IL16: variants seen among roughly 807,000 people sequenced by gnomAD.
IL16 encodes pro-interleukin-16.
In IL16, 67 loss-of-function variants were observed where a neutral mutation model predicts 110.1. The ratio of observed to expected loss-of-function variants is 0.61; its 90% CI spans 0.50 to 0.75. The LOEUF (loss-of-function observed/expected upper bound fraction) is 0.75, where lower values mean the gene tolerates loss of function less well. IL16 is among the 30% of genes least tolerant of loss of function. IL16 has a pLI of 0.00. For synonymous variants in IL16, 689 were observed against 662.9 expected (o/e 1.04, Z -0.61); for missense variants, 1,545 against 1,655.0 (o/e 0.93, Z 1.15).
intron 13 of IL16, among the ~76,000 whole-genome samples, chr15:81,298,000 C>T (rs918184276): frequency 4.6e-5 from 7 of 152,192 alleles, no homozygotes; most frequent in African/African-American, 1.4e-4. Flanking sequence ...GGTGGAGGCT[C>T]CTCTCCCTTA....
chr15:81,246,408 C>T (rs1042578685), intron 2 of IL16, among the ~76,000 whole-genome samples: 1 of 152,072 alleles, frequency 6.6e-6, no homozygotes, highest in Non-Finnish European at 1.5e-5. Flanking sequence ...TTTCAGATAG[C>T]GTATAAAATG....
At chr15:81,241,262 A>G (rs1897326875) in intron 2 of IL16, among the ~76,000 whole-genome samples, 1 of 152,076 alleles carries the variant, frequency 6.6e-6, no homozygotes, top group South Asian at 2.1e-4. Flanking sequence ...GTTTATTTAG[A>G]TATACTTATT....
chr15:81,281,363 G>A (rs893877373), intron 8 of IL16, among the ~76,000 whole-genome samples: 4 of 152,192 alleles, frequency 2.6e-5, no homozygotes, highest in Non-Finnish European at 4.4e-5. Context: ...TTTTCCAGGC[G>A]TTTCCATGTT....
At chr15:81,294,268 G>C (rs1053464197) in intron 12 of IL16, among the ~76,000 whole-genome samples, 25 of 152,314 alleles carry the variant, frequency 1.6e-4, no homozygotes, top group African/African-American at 6.0e-4. Context: ...ACATGATGGA[G>C]TTATCAGATG....
chr15:81,301,653 T>C, intron 15 of IL16, 141 bp downstream of exon 15: 1 of 662,804 alleles, frequency 1.5e-6, no homozygotes, highest in African/African-American at 1.8e-5. Context: ...TGGGACACTG[T>C]AGCACTTGAC....
At chr15:81,209,849 T>C (rs1896172451) in intron 1 of IL16, among the ~76,000 whole-genome samples, 1 of 152,228 alleles carries the variant, frequency 6.6e-6, no homozygotes, top group Admixed American at 6.5e-5. Context: ...AGCAATGCCA[T>C]GGTTACACTG....
chr15:81,224,990 A>C (rs1896738645), intron 1 of IL16, among the ~76,000 whole-genome samples: 1 of 152,156 alleles, frequency 6.6e-6, no homozygotes, highest in South Asian at 2.1e-4. Context: ...GTAACTTATT[A>C]CTGGCTCTTC....
chr15:81,239,355 T>C (rs1409287288), intron 2 of IL16, among the ~76,000 whole-genome samples: 3 of 152,204 alleles, frequency 2.0e-5, no homozygotes, highest in South Asian at 2.1e-4. Context: ...AGTGCTATTC[T>C]GGTATGCTTC....
chr15:81,249,612 A>G (rs924187703), intron 2 of IL16, among the ~76,000 whole-genome samples: 3 of 152,148 alleles, frequency 2.0e-5, no homozygotes, highest in Non-Finnish European at 2.9e-5. Context: ...CTGCTGTTTT[A>G]AAATCTTCTA....
chr15:81,238,093 G>A (rs1407717419), intron 2 of IL16, among the ~76,000 whole-genome samples: 2 of 151,892 alleles, frequency 1.3e-5, no homozygotes, highest in African/African-American at 4.8e-5. Context: ...TAGTAGAGAT[G>A]GGGTTTTACC....
At chr15:81,216,957 A>G (rs1229036994) in intron 1 of IL16, among the ~76,000 whole-genome samples, 1 of 152,240 alleles carries the variant, frequency 6.6e-6, no homozygotes, top group Non-Finnish European at 1.5e-5. Context: ...TAACCACGAC[A>G]TGATATGCTA....
In IL16 at chr15:81,306,503, C is replaced by T; in HGVS notation, c.3763C>T (p.Leu1255=). Residue 1255 remains leucine (L), a synonymous_variant, in exon 18 of 19, where the codon CTA becomes TTA. Coordinates refer to ENST00000683961, the MANE Select transcript of IL16 (RefSeq NM_172217.5). ...GFSLEGGKGS[L]HGDKPLTINR... is the part of the protein sequence containing the mutation. ...CAGCCTGGAAGGAGGGAAGGGCTCC[C>T]TACACGGAGACAAGCCTCTCACCAT... 1 of 1,613,880 alleles carries T rather than the reference C, an allele frequency of 6.2e-7. No homozygotes were observed. Among genetic ancestry groups the T allele is most frequent in the Non-Finnish European group, 8.5e-7 (1 of 1,180,020 alleles).
At chr15:81,305,365 T>C (rs1314060036) in intron 16 of IL16, among the ~76,000 whole-genome samples, 1 of 152,174 alleles carries the variant, frequency 6.6e-6, no homozygotes, top group East Asian at 1.9e-4. Flanking sequence ...TTTCTTTGAT[T>C]TTAAAAAATT....
rs1403655378 is a variant in IL16, at chr15:81,313,432, T to C, written c.*4634T>C. 2 of 1,486,928 alleles carry C rather than the reference T, an allele frequency of 1.3e-6. No individual in the cohort carries two copies. Among genetic ancestry groups the C allele is most frequent in the Non-Finnish European group, 1.8e-6 (2 of 1,113,764 alleles). 92.1% of individuals were successfully genotyped at this position (1,486,928 alleles called of 1,614,324 possible). A position where few individuals can be genotyped will look rare whatever the true frequency, so the allele number is the denominator to read the frequency against. ...TGAAGGCAACAGCAGAGCTGTGTTA[T>C]GATCTGCAGCAGAGGTGCTGGGGAC... On this transcript the variant is annotated 3_prime_UTR_variant, in exon 19 of 19. Transcript: ENST00000683961.
intron 2 of IL16, among the ~76,000 whole-genome samples, chr15:81,238,600 T>C (rs988015746): frequency 6.7e-6 from 1 of 149,140 alleles, no homozygotes; most frequent in Non-Finnish European, 1.5e-5. Context: ...TCTATATCTA[T>C]TGAACACCTC....
chr15:81,279,598 G>A lies in IL16; in HGVS notation c.905G>A (p.Arg302His), dbSNP rs770267179. ...KGLLTLTVRTRLTAPPSLCSH... is the reference protein window; with the variant it reads ...KGLLTLTVRTHLTAPPSLCSH... ...CTCCTCACCCTCACCGTGAGAACCC[G>A]CCTGACGGCGCCTCCTTCCCTGTGC... The change falls in exon 8 of 19, where the codon CGC becomes CAC. Residue 302 changes from arginine (R) to histidine (H), a missense_variant. Arg to His is a conservative substitution (Grantham distance 29). This residue lies in a region of IL16 where 1,185 missense variants were observed against 1,238.8 expected (regional missense o/e 0.96). Transcript: ENST00000683961. 2.3e-5 allele frequency: 37 copies of A among 1,613,704 alleles called. No individual in the cohort carries two copies. Among genetic ancestry groups the A allele is most frequent in the Admixed American group, 8.3e-5 (5 of 60,010 alleles).
chr15:81,304,624 C>T (rs912660672), intron 16 of IL16, among the ~76,000 whole-genome samples: 2 of 152,212 alleles, frequency 1.3e-5, no homozygotes, highest in African/African-American at 4.8e-5. Flanking sequence ...CCTACCCACA[C>T]TTTGGATTGA....
intron 3 of IL16, among the ~76,000 whole-genome samples, chr15:81,262,996 C>G (rs999653187): frequency 6.6e-6 from 1 of 152,182 alleles, no homozygotes; most frequent in Non-Finnish European, 1.5e-5. Context: ...TTTTACTTAG[C>G]TCTTTTTATG....
At chr15:81,197,785 G>A (rs1377600876) in intron 1 of IL16, among the ~76,000 whole-genome samples, 2 of 152,014 alleles carry the variant, frequency 1.3e-5, no homozygotes, top group African/African-American at 4.8e-5. Context: ...GGAGAATGAG[G>A]TAACAGCATA....
Sources: gnomAD v4.1 joint callset for allele counts (sites outside exome capture counted in the v4.1 genomes callset) on GRCh38, gnomAD v4.1.1 for gene constraint, gnomAD v4.1.1 regional missense constraint, MANE v1.5 for transcripts, NCBI Gene and HGNC (gene_info 2026-07-23, HGNC 2026-07-21) for gene names.